The following RAD54L variants were observed in gnomAD, a reference collection of about 807,000 sequenced individuals.
RAD54L encodes DNA repair and recombination protein RAD54-like.
In RAD54L, 74 loss-of-function variants were observed where a neutral mutation model predicts 91.6. The observed-to-expected ratio is 0.81, with a 90% confidence interval of 0.67 to 0.98. The LOEUF is 0.98. RAD54L is among the 50% of genes least tolerant of loss of function. The pLI is 0.00. For synonymous variants in RAD54L, 304 were observed against 349.7 expected (o/e 0.87, Z 1.46); for missense variants, 887 against 945.7 (o/e 0.94, Z 0.81).
At chr1:46,260,477 AGCTTCCTGAGGGTGCTCCCTT>A (rs1405675867) in intron 5 of RAD54L, 44 bp from the exon 6 acceptor site, 23 of 1,496,012 alleles carry the variant, frequency 1.5e-5, no homozygotes, top group Non-Finnish European at 2.0e-5. Flanking sequence ...AGCAGGACAC[AGCTTCCTGAGGGTGCTCCCTT>A]GCCCATGTCT....
At chr1:46,271,257 C>G (rs1377403971) in intron 10 of RAD54L, among the ~76,000 whole-genome samples, 2 of 152,174 alleles carry the variant, frequency 1.3e-5, no homozygotes, top group Non-Finnish European at 2.9e-5. Context: ...ACATTCTGGA[C>G]TCCTTTGTCC....
At chr1:46,273,801 T>C in intron 14 of RAD54L, 54 bp downstream of exon 14, 1 of 1,555,762 alleles carries the variant, frequency 6.4e-7, no homozygotes, top group Non-Finnish European at 8.7e-7. Context: ...TCCCCTACTG[T>C]CTGTCTAGTT....
At chr1:46,248,700 T>C (rs1659718587) in intron 2 of RAD54L, 102 bp downstream of exon 2, 2 of 1,003,942 alleles carry the variant, frequency 2.0e-6, no homozygotes, top group Admixed American at 2.0e-5. Context: ...AGATGCCTCT[T>C]TTGTATGTTC....
chr1:46,261,501 C>A, intron 8 of RAD54L, 116 bp downstream of exon 8: 1 of 1,322,746 alleles, frequency 7.6e-7, no homozygotes, highest in Non-Finnish European at 1.1e-6. Context: ...CAGGATGCTG[C>A]CTTGGAGACA....
chr1:46,273,797 A>C, intron 14 of RAD54L, 50 bp downstream of exon 14: 1 of 1,560,862 alleles, frequency 6.4e-7, no homozygotes, highest in Non-Finnish European at 8.7e-7. Flanking sequence ...CCCCTCCCCT[A>C]CTGTCTGTCT....
chr1:46,262,711 G>A (rs1352044251), intron 8 of RAD54L, among the ~76,000 whole-genome samples: 1 of 152,112 alleles, frequency 6.6e-6, no homozygotes, highest in Admixed American at 6.6e-5. Context: ...CACCTGGGGA[G>A]AGGCATGGCG....
Position 46,248,426 on chromosome 1 carries a change from G to A in RAD54L, c.3+18G>A, listed in dbSNP as rs775020152. The A allele has an allele frequency of 1.2e-6, 2 of 1,614,094 alleles. No individual in the cohort carries two copies. The highest frequency in any genetic ancestry group is 2.2e-5 in the South Asian group (2 of 91,070). On this transcript the variant is annotated intron_variant, in intron 1 of 17. Transcript: ENST00000371975. The stretch of plus-strand genomic sequence containing the variant: ...CCAGGATGGTAAGTGTGGGCCTAGG[G>A]GAGACTGGGAATAGCCCTGGGTCAG...
chr1:46,261,114 G>A, intron 7 of RAD54L, 99 bp downstream of exon 7: 1 of 1,543,338 alleles, frequency 6.5e-7, no homozygotes, highest in Non-Finnish European at 8.8e-7. Context: ...CAATGCAGGG[G>A]TAGAAGAAAA....
intron 3 of RAD54L, among the ~76,000 whole-genome samples, chr1:46,258,231 A>T (rs1225427053): frequency 6.7e-6 from 1 of 148,638 alleles, no homozygotes; most frequent in Non-Finnish European, 1.5e-5. Flanking sequence ...CTCCATCACT[A>T]CTCTTTGATG....
rs544896645 is a variant in RAD54L at position 46,265,791 on chromosome 1, C to T, written c.892-1668C>T. Among the ~76,000 whole-genome samples the T allele has an allele frequency of 6.6e-6, 1 of 152,246 alleles. No individual in the cohort carries two copies. The highest frequency in any genetic ancestry group is 6.5e-5 in the Admixed American group (1 of 15,282). On this transcript the variant is annotated intron_variant, in intron 8 of 17. Coordinates refer to ENST00000371975, the MANE Select transcript of RAD54L (RefSeq NM_003579.4). The surrounding 1 kb of genome is among the most constrained non-coding windows in gnomAD (Gnocchi z 4.8). ...TATTATGGATGAGGGCAGAGTGGTACAGTGTCCAGACTCAGAGTCATACAG... is the reference window on the plus strand; with the variant it reads ...TATTATGGATGAGGGCAGAGTGGTATAGTGTCCAGACTCAGAGTCATACAG...
intron 3 of RAD54L, among the ~76,000 whole-genome samples, chr1:46,251,307 C>A (rs1464530251): frequency 6.6e-6 from 1 of 152,050 alleles, no homozygotes; most frequent in Non-Finnish European, 1.5e-5. Context: ...AGTGAAAATC[C>A]GTCCCCAAAA....
chr1:46,259,307 A>G (rs1173420102), intron 4 of RAD54L, among the ~76,000 whole-genome samples: 1 of 152,014 alleles, frequency 6.6e-6, no homozygotes, highest in Admixed American at 6.6e-5. Flanking sequence ...TTGAGATACT[A>G]CGCTTGGCTG....
chr1:46,272,025 C>CTTGTTTTTTT (rs1660443177), intron 10 of RAD54L, among the ~76,000 whole-genome samples: 1 of 41,170 alleles, frequency 2.4e-5, no homozygotes, highest in Non-Finnish European at 4.0e-5. Context: ...GGTCTGATGA[C>CTTGTTTTTTT]TTTTTTTTTT....
intron 3 of RAD54L, among the ~76,000 whole-genome samples, chr1:46,254,123 C>T (rs184583935): frequency 2.8e-4 from 43 of 151,930 alleles, no homozygotes; most frequent in African/African-American, 9.2e-4. Flanking sequence ...TACAGGCACC[C>T]GCCACCATAC....
At chr1:46,261,519 GGGAGA>G in intron 8 of RAD54L, 134 bp downstream of exon 8, 1 of 1,152,610 alleles carries the variant, frequency 8.7e-7, no homozygotes, top group Non-Finnish European at 1.3e-6. Flanking sequence ...ACAAGTGACA[GGGAGA>G]GCCTGTGATA....
chr1:46,274,754 C>A, intron 16 of RAD54L, 37 bp downstream of exon 16: 3 of 1,612,076 alleles, frequency 1.9e-6, no homozygotes, highest in East Asian at 2.2e-5. Context: ...AGGGGTGGGT[C>A]ATGGAACGAG....
chr1:46,274,327 G>A, intron 15 of RAD54L, 111 bp downstream of exon 15: 1 of 1,279,650 alleles, frequency 7.8e-7, no homozygotes, highest in East Asian at 2.4e-5. Flanking sequence ...AATTCCCCTA[G>A]TGGATATAGT....
intron 3 of RAD54L, among the ~76,000 whole-genome samples, chr1:46,256,270 G>A (rs575297246): frequency 4.6e-5 from 7 of 151,858 alleles, no homozygotes; most frequent in African/African-American, 1.7e-4. Context: ...TGTGTGGGGG[G>A]GTCTCACTAC....
chr1:46,259,583 GACA>G (rs1184285629), intron 4 of RAD54L, among the ~76,000 whole-genome samples: 5 of 152,082 alleles, frequency 3.3e-5, no homozygotes, highest in Non-Finnish European at 5.9e-5. Context: ...GACCAGCCTG[GACA>G]ACATGGTGAA....
Sources: allele counts gnomAD v4.1 joint callset (sites outside exome capture counted in the v4.1 genomes callset), GRCh38; gene constraint gnomAD v4.1.1; non-coding constraint Gnocchi (gnomAD v3.1); transcripts MANE v1.5; gene names NCBI Gene and HGNC (gene_info 2026-07-23, HGNC 2026-07-21).